The following ARHGAP30 variants were observed in gnomAD, a reference collection of about 807,000 sequenced individuals.
ARHGAP30 encodes rho GTPase-activating protein 30.
Under a neutral mutation model 72.0 loss-of-function variants are expected in ARHGAP30, and 23 were observed. The ratio of observed to expected loss-of-function variants is 0.32; its 90% CI spans 0.23 to 0.45. The LOEUF (loss-of-function observed/expected upper bound fraction) is 0.45, where lower values mean the gene tolerates loss of function less well. Among genes scored for constraint, ARHGAP30 ranks in the 20% least tolerant of loss-of-function variants. The pLI is 1.00. For missense variants in ARHGAP30, 1,319 were observed against 1,383.4 expected, an observed-to-expected ratio of 0.95 and a Z score of 0.74; for synonymous variants, 576 against 528.2, an observed-to-expected ratio of 1.09 and a Z score of -1.24.
rs1286731920 is a variant in ARHGAP30, at chr1:161,047,373, C to T, written c.*342G>A. ...TTTGGCTTTCATGAAGAGAGATTCA[C>T]AGCTCAGAGGAAGGGAGGAATTTCT... On this transcript the variant is annotated 3_prime_UTR_variant, in exon 12 of 12. Transcript: ENST00000368013. 1 of 178,020 alleles carries T rather than the reference C, an allele frequency of 5.6e-6. No individual in the cohort carries two copies. The highest frequency in any genetic ancestry group is 2.4e-5 in the African/African-American group (1 of 42,226). 11.0% of individuals were successfully genotyped at this position (178,020 alleles called of 1,614,324 possible). A position where few individuals can be genotyped will look rare whatever the true frequency, so the allele number is the denominator to read the frequency against.
chr1:161,047,919 G>A lies in ARHGAP30; in HGVS notation c.3102C>T (p.Ser1034=). ...AATGGGCAGAGATCATGCTACAAGG[G>A]GAGGTTCTGGGGATGAGGCAGTAAT... ...GGDYCLIPRT[S]PCSMISAHSP... is the part of the protein sequence containing the mutation. Residue 1034 remains serine, a synonymous_variant, in exon 12 of 12, where the codon TCC becomes TCT. Transcript: ENST00000368013. The A allele has an allele frequency of 6.2e-7, 1 of 1,613,228 alleles. No individual in the cohort carries two copies. Among genetic ancestry groups the A allele is most frequent in the Non-Finnish European group, 8.5e-7 (1 of 1,179,546 alleles).
chr1:161,050,492 A>G (rs1383654190), intron 10 of ARHGAP30, among the ~76,000 whole-genome samples: 2 of 151,308 alleles, frequency 1.3e-5, no homozygotes, highest in African/African-American at 4.9e-5. Flanking sequence ...TTTTTTTAGT[A>G]GAGACGGGGT....
chr1:161,068,488 T>A (rs1052329303), intron 1 of ARHGAP30, among the ~76,000 whole-genome samples: 6 of 151,880 alleles, frequency 4.0e-5, no homozygotes, highest in African/African-American at 1.2e-4. Flanking sequence ...GGAACCACCA[T>A]CACCCTCCCT....
At chr1:161,065,300 G>A (rs1392492331) in intron 1 of ARHGAP30, among the ~76,000 whole-genome samples, 1 of 151,192 alleles carries the variant, frequency 6.6e-6, no homozygotes, top group Non-Finnish European at 1.5e-5. Flanking sequence ...TAACCACTAG[G>A]AAGCTCAGAG....
chr1:161,049,803 T>C (rs1033372301), intron 10 of ARHGAP30, 114 bp from the exon 11 acceptor site: 26 of 1,356,024 alleles, frequency 1.9e-5, no homozygotes, highest in Non-Finnish European at 2.3e-5. Flanking sequence ...ATTGCTACTC[T>C]GCATGACTGA....
At chr1:161,056,606 G>A (rs924518185) in intron 2 of ARHGAP30, 74 bp from the exon 3 acceptor site, 2 of 1,529,274 alleles carry the variant, frequency 1.3e-6, no homozygotes, top group Non-Finnish European at 1.8e-6. Flanking sequence ...CTATAGAGAT[G>A]GGTCCCGGCA....
At chr1:161,059,592 C>A in intron 2 of ARHGAP30, 22 bp downstream of exon 2, 1 of 1,592,990 alleles carries the variant, frequency 6.3e-7, no homozygotes, top group Non-Finnish European at 8.6e-7. Flanking sequence ...GTCACAGAGC[C>A]CTCCCACTCT....
At chr1:161,067,194 A>T (rs1652833702) in intron 1 of ARHGAP30, among the ~76,000 whole-genome samples, 1 of 152,184 alleles carries the variant, frequency 6.6e-6, no homozygotes, top group Non-Finnish European at 1.5e-5. Flanking sequence ...GATTGGAGCG[A>T]TGAAGTCAAA....
intron 2 of ARHGAP30, among the ~76,000 whole-genome samples, chr1:161,057,674 T>C (rs962226370): frequency 6.6e-6 from 1 of 151,966 alleles, no homozygotes; most frequent in Non-Finnish European, 1.5e-5. Flanking sequence ...GTAACTCAAA[T>C]ATAAATCACT....
intron 9 of ARHGAP30, among the ~76,000 whole-genome samples, 186 bp from the exon 10 acceptor site, chr1:161,051,901 A>G (rs1651403465): frequency 1.3e-5 from 2 of 150,748 alleles, no homozygotes; most frequent in Admixed American, 1.3e-4. Flanking sequence ...TAGGTCAAAG[A>G]TCACCTCACC....
Position 161,058,817 on chromosome 1 carries a change from C to T in ARHGAP30, c.200+797G>A, listed in dbSNP as rs372059658. Among the ~76,000 whole-genome samples the T allele has an allele frequency of 4.6e-4, 66 of 144,258 alleles. 1 individual carries two copies. The East Asian group carries it at 0.012, about 27-fold the overall frequency. 94.6% of individuals were successfully genotyped at this position (144,258 alleles called of 152,430 possible). Reference sequence around the variant, plus strand: ...CAGAGGTTGCAATGAGCCAAGATTGCGCCACTGCACTCCAGCCTGGGCAAC... The same window carrying T: ...CAGAGGTTGCAATGAGCCAAGATTGTGCCACTGCACTCCAGCCTGGGCAAC... On this transcript the variant is annotated intron_variant, in intron 2 of 11. Transcript: ENST00000368013.
In ARHGAP30 at chr1:161,059,734, G is replaced by C. The variant is rs1652176968; in HGVS notation, c.98-18C>G. ...CTGGGGCACTGGGGACACAGACGGG[G>C]CAGAGACATAGAAATCAGAGGATCT... On this transcript the variant is annotated intron_variant, in intron 1 of 11. Coordinates refer to ENST00000368013, the MANE Select transcript of ARHGAP30 (RefSeq NM_001025598.2). 1 of 1,600,464 alleles carries C rather than the reference G, an allele frequency of 6.2e-7. No homozygotes were observed. The highest frequency in any genetic ancestry group is 1.3e-5 in the African/African-American group (1 of 74,650).
In ARHGAP30 at chr1:161,049,536, C is replaced by G. The variant is rs780823026; in HGVS notation, c.1574G>C (p.Gly525Ala). 2.5e-6 allele frequency: 4 copies of G among 1,614,158 alleles called. No homozygotes were observed. Among genetic ancestry groups the G allele is most frequent in the Non-Finnish European group, 3.4e-6 (4 of 1,180,026 alleles). Residue 525 changes from glycine (G) to alanine (A), a missense_variant, in exon 11 of 12, where the codon GGG becomes GCG. By Grantham distance (60) the Gly-to-Ala change is moderately conservative. Coordinates refer to ENST00000368013, the MANE Select transcript of ARHGAP30 (RefSeq NM_001025598.2). ...CTGGGCCACCTCCCCATCCTCTGCC[C>G]CCACCCACTCAGGTTCTGAGCTGCT... The part of the protein sequence containing the change: ...DSSSSEPEWV[G>A]AEDGEVAQAE...
At chr1:161,061,995 G>A (rs1276853850) in intron 1 of ARHGAP30, among the ~76,000 whole-genome samples, 1 of 152,154 alleles carries the variant, frequency 6.6e-6, no homozygotes, top group African/African-American at 2.4e-5. Context: ...GGCTGAGGCA[G>A]GAGAATTGCT....
intron 3 of ARHGAP30, 94 bp from the exon 4 acceptor site, chr1:161,054,799 T>C: frequency 2.8e-6 from 3 of 1,075,204 alleles, no homozygotes; most frequent in Non-Finnish European, 2.9e-6. Context: ...AGGAACAATG[T>C]GCACTGGACT....
rs778036107 is a variant in ARHGAP30 at position 161,047,937 on chromosome 1, G to A, written c.3084C>T (p.Cys1028=). The change falls in exon 12 of 12, where the codon TGC becomes TGT. Residue 1028 remains cysteine, a synonymous_variant. Transcript: ENST00000368013. The stretch of plus-strand genomic sequence containing the variant: ...TACAAGGGGAGGTTCTGGGGATGAG[G>A]CAGTAATCCCCACCCTCAGTACAGG... The part of the protein sequence containing the change: ...TQTCTEGGDY[C]LIPRTSPCSM... The A allele has an allele frequency of 6.2e-7, 1 of 1,613,674 alleles. No homozygotes were observed.
chr1:161,048,726 A>G lies in ARHGAP30; in HGVS notation c.2295T>C (p.Ala765=), dbSNP rs748069988. Residue 765 remains alanine, a synonymous_variant, in exon 12 of 12, where the codon GCT becomes GCC. Coordinates refer to ENST00000368013, the MANE Select transcript of ARHGAP30 (RefSeq NM_001025598.2). Reference sequence around the variant, plus strand: ...GGGCCCCTTGCTCTAGGTCCCTTCCAGCTTCTACCTGGGCTTCCTCTCTTT... The same window carrying G: ...GGGCCCCTTGCTCTAGGTCCCTTCCGGCTTCTACCTGGGCTTCCTCTCTTT... ...DEQREEAQVE[A]GRDLEQGAQE... 6.2e-7 allele frequency: 1 copy of G among 1,613,776 alleles called. No individual in the cohort carries two copies. Among genetic ancestry groups the G allele is most frequent in the Admixed American group, 1.7e-5 (1 of 59,998 alleles).
At position 161,059,717 on chromosome 1, in the gene ARHGAP30, C is replaced by G; in HGVS notation, c.98-1G>C. 1 of 1,611,860 alleles carries G rather than the reference C, an allele frequency of 6.2e-7. No individual in the cohort carries two copies. Among genetic ancestry groups the G allele is most frequent in the Non-Finnish European group, 8.5e-7 (1 of 1,178,622 alleles). On this transcript the variant is annotated splice_acceptor_variant, in intron 1 of 11. Coordinates refer to ENST00000368013, the MANE Select transcript of ARHGAP30 (RefSeq NM_001025598.2). LOFTEE classifies it high-confidence loss of function. ...GCACAGCTCTTTAGCACCTGGGGCA[C>G]TGGGGACACAGACGGGGCAGAGACA... is the stretch of plus-strand genomic sequence containing the variant.
chr1:161,066,109 C>T (rs1264938361), intron 1 of ARHGAP30, among the ~76,000 whole-genome samples: 1 of 151,292 alleles, frequency 6.6e-6, no homozygotes, highest in African/African-American at 2.4e-5. Context: ...AAGTGATCCA[C>T]CCGCCTTGGC....
Sources: gnomAD v4.1 joint callset for allele counts (sites outside exome capture counted in the v4.1 genomes callset) on GRCh38, gnomAD v4.1.1 for gene constraint, MANE v1.5 for transcripts, NCBI Gene and HGNC (gene_info 2026-07-23, HGNC 2026-07-21) for gene names.